The following CDK6 variants were observed in gnomAD, a reference collection of about 807,000 sequenced individuals.
CDK6 encodes the protein cyclin dependent kinase 6, also known as cyclin-dependent kinase 6.
Under a neutral mutation model 37.1 loss-of-function variants are expected in CDK6, and 6 were observed. The observed-to-expected ratio is 0.16, with a 90% CI of 0.09 to 0.32. The LOEUF is 0.32. CDK6 is among the 10% of genes least tolerant of loss of function. The probability of loss-of-function intolerance (pLI) is 1.00; values close to 1 mark genes in which losing one functional copy is unlikely to be tolerated. For synonymous variants in CDK6, 160 were observed against 161.3 expected (o/e 0.99, Z 0.06); for missense variants, 224 against 418.9 (o/e 0.53, Z 4.06).
rs540214828 is a variant in CDK6, at chr7:92,760,447, T to C, written c.369+14249A>G. Among the ~76,000 whole-genome samples, 6 of 152,310 alleles carry C rather than the reference T, an allele frequency of 3.9e-5. No individual in the cohort carries two copies. In the South Asian group the frequency reaches 1.0e-3, roughly 26 times the overall value. On this transcript the variant is annotated intron_variant, in intron 3 of 7. Transcript: ENST00000424848. The stretch of plus-strand genomic sequence containing the variant: ...GAGCAAAGGAAGTGACACTATGTTG[T>C]TAATTCTTATGTTGGGCTATAAAGA...
rs78065312 is a variant in CDK6, at chr7:92,835,464, C to T, written c.-368+1014G>A. ...CGGGAGCAGCAATGCCTTTTCCCCC[C>T]CTCTCCTCCACTTTTTTTTGTTGTT... is the stretch of plus-strand genomic sequence containing the variant. On this transcript the variant is annotated intron_variant, in intron 1 of 7. Coordinates refer to ENST00000424848, the MANE Select transcript of CDK6 (RefSeq NM_001145306.2). The surrounding 1 kb of genome is among the most constrained non-coding windows in gnomAD (Gnocchi z 4.2). Among the ~76,000 whole-genome samples, 5 of 152,098 alleles carry T rather than the reference C, an allele frequency of 3.3e-5. No individual in the cohort carries two copies. Among genetic ancestry groups the T allele is most frequent in the African/African-American group, 7.2e-5 (3 of 41,410 alleles).
chr7:92,665,385 C>T (rs1319016720), intron 5 of CDK6, among the ~76,000 whole-genome samples: 2 of 151,886 alleles, frequency 1.3e-5, no homozygotes, highest in African/African-American at 4.8e-5. Context: ...AAATACAATT[C>T]AATGTGGAGT....
intron 2 of CDK6, among the ~76,000 whole-genome samples, chr7:92,799,654 C>A (rs1443929317): frequency 6.6e-6 from 1 of 152,146 alleles, no homozygotes; most frequent in Non-Finnish European, 1.5e-5. Context: ...CATGGGTGAA[C>A]AAGTCACTTA....
At chr7:92,631,968 G>C (rs1226605478) in intron 5 of CDK6, among the ~76,000 whole-genome samples, 1 of 152,150 alleles carries the variant, frequency 6.6e-6, no homozygotes, top group Non-Finnish European at 1.5e-5. Flanking sequence ...GTCTAATAGA[G>C]ACATTTCAAC....
intron 3 of CDK6, among the ~76,000 whole-genome samples, chr7:92,770,106 T>A (rs1185735108): frequency 2.6e-5 from 4 of 152,068 alleles, no homozygotes; most frequent in Non-Finnish European, 5.9e-5. Context: ...GATAATATCC[T>A]GAATTAGAAA....
intron 2 of CDK6, among the ~76,000 whole-genome samples, chr7:92,794,458 C>A (rs140559303): frequency 1.7e-4 from 26 of 152,062 alleles, no homozygotes; most frequent in Non-Finnish European, 2.9e-4. Flanking sequence ...TTGCCCCACT[C>A]GCCACTCCAT....
intron 4 of CDK6, chr7:92,725,020 A>G (rs973907655): frequency 1.1e-6 from 1 of 922,230 alleles, no homozygotes; most frequent in Non-Finnish European, 1.3e-6. Flanking sequence ...GAATGGCAAA[A>G]AGAAACAGGG....
intron 5 of CDK6, among the ~76,000 whole-genome samples, chr7:92,665,616 A>G (rs879851934): frequency 2.6e-5 from 4 of 152,218 alleles, no homozygotes; most frequent in Admixed American, 2.6e-4. Context: ...TGAACAAAAG[A>G]CATGCACCTC....
chr7:92,776,561 T>A (rs960804121), intron 2 of CDK6, among the ~76,000 whole-genome samples: 2 of 152,244 alleles, frequency 1.3e-5, no homozygotes, highest in Non-Finnish European at 2.9e-5. Flanking sequence ...CCACATCCTC[T>A]CCAGCATCTG....
chr7:92,819,221 A>G (rs190566743), intron 2 of CDK6, among the ~76,000 whole-genome samples: 5 of 152,232 alleles, frequency 3.3e-5, no homozygotes, highest in Admixed American at 2.0e-4. Context: ...TATAATGGAA[A>G]ATGAACTACT....
intron 2 of CDK6, among the ~76,000 whole-genome samples, chr7:92,796,828 AG>A (rs1300896214): frequency 3.3e-5 from 5 of 152,106 alleles, no homozygotes; most frequent in African/African-American, 1.2e-4. Context: ...TATCTCCAGG[AG>A]GTTAGCTTTT....
chr7:92,649,766 C>T (rs1666914068), intron 5 of CDK6, among the ~76,000 whole-genome samples: 1 of 152,142 alleles, frequency 6.6e-6, no homozygotes, highest in African/African-American at 2.4e-5. Flanking sequence ...AGTCTGGCTC[C>T]AACATCAACT....
chr7:92,806,486 G>A (rs541120515), intron 2 of CDK6, among the ~76,000 whole-genome samples: 7 of 152,260 alleles, frequency 4.6e-5, no homozygotes, highest in Middle Eastern at 3.4e-3. Context: ...GGATATGCAC[G>A]TGTCCACATG....
chr7:92,787,090 G>T (rs1372859897), intron 2 of CDK6, among the ~76,000 whole-genome samples: 1 of 150,904 alleles, frequency 6.6e-6, no homozygotes, highest in Non-Finnish European at 1.5e-5. Flanking sequence ...GCTGAGGCAG[G>T]AGAATCACTT....
In CDK6 at chr7:92,719,343, T is replaced by C. The variant is rs113278856; in HGVS notation, c.537+6283A>G. On this transcript the variant is annotated intron_variant, in intron 4 of 7. Coordinates refer to ENST00000424848, the MANE Select transcript of CDK6 (RefSeq NM_001145306.2). ...GTTAATGATCTCAAATAAAGCAATA[T>C]TGGGAATCTTATCAGTTACAGATTT... Among the ~76,000 whole-genome samples the C allele has an allele frequency of 5.7e-3, 871 of 152,314 alleles. 11 individuals carry two copies. Among genetic ancestry groups the C allele is most frequent in the African/African-American group, 0.02 (831 of 41,570 alleles).
chr7:92,676,379 G>A (rs1797203036), intron 4 of CDK6, among the ~76,000 whole-genome samples: 2 of 152,028 alleles, frequency 1.3e-5, no homozygotes, highest in South Asian at 4.1e-4. Flanking sequence ...TACTTGGTAG[G>A]ATTTATTGTT....
chr7:92,662,280 T>C (rs1796856252), intron 5 of CDK6, among the ~76,000 whole-genome samples: 1 of 152,172 alleles, frequency 6.6e-6, no homozygotes, highest in Admixed American at 6.5e-5. Flanking sequence ...TTCACTCATC[T>C]TAATTAACTG....
rs547024030 is a variant in CDK6, at chr7:92,833,606, TCTTCC to T, written c.-288_-284del. 60 of 536,774 alleles carry T rather than the reference TCTTCC, an allele frequency of 1.1e-4. 1 individual carries two copies. In the East Asian group the frequency reaches 1.9e-3, roughly 17 times the overall value. The allele number at this position is 536,774 out of a possible 1,614,324, so 33.3% of individuals were successfully genotyped here. A position where few individuals can be genotyped will look rare whatever the true frequency, so the allele number is the denominator to read the frequency against. On this transcript the variant is annotated 5_prime_UTR_variant, in exon 2 of 8. Coordinates refer to ENST00000424848, the MANE Select transcript of CDK6 (RefSeq NM_001145306.2). This position sits in a 1 kb window ranked among gnomAD's most constrained non-coding sequence, Gnocchi z 6.1. ...GCCGGAGGAGCGAGCCGATCCCTCC[TCTTCC>T]CTCCTCGAAGCGAAGTCCTCAACAC... is the stretch of plus-strand genomic sequence containing the variant.
intron 2 of CDK6, among the ~76,000 whole-genome samples, chr7:92,809,826 G>C (rs1282738235): frequency 1.3e-5 from 2 of 152,198 alleles, no homozygotes; most frequent in Non-Finnish European, 1.5e-5. Flanking sequence ...TTTGAACCAA[G>C]GTCATTCGAT....
Sources: allele counts gnomAD v4.1 joint callset (sites outside exome capture counted in the v4.1 genomes callset), GRCh38; gene constraint gnomAD v4.1.1; non-coding constraint Gnocchi (gnomAD v3.1); transcripts MANE v1.5; gene names NCBI Gene and HGNC (gene_info 2026-07-23, HGNC 2026-07-21).